Variants in NNT observed in about 807,000 individuals in gnomAD.
The protein encoded by NNT is NAD(P) transhydrogenase, mitochondrial.
A neutral mutation model predicts 104.8 loss-of-function variants in NNT; 50 were observed. That is an observed-to-expected ratio of 0.48 (90% CI 0.38 to 0.60). NNT has a LOEUF of 0.60. NNT is among the 20% of genes least tolerant of loss of function. The pLI is 0.00. For synonymous variants in NNT, 461 were observed against 490.4 expected, an observed-to-expected ratio of 0.94 and a Z score of 0.79; for missense variants, 1,131 against 1,330.7, an observed-to-expected ratio of 0.85 and a Z score of 2.33.
intron 16 of NNT, among the ~76,000 whole-genome samples, chr5:43,657,096 G>A (rs1561296610): frequency 6.6e-6 from 1 of 152,156 alleles, no homozygotes; most frequent in African/African-American, 2.4e-5. Flanking sequence ...GTGAACAGGA[G>A]CTTAAAAAGG....
intron 18 of NNT, among the ~76,000 whole-genome samples, chr5:43,676,032 G>A (rs1050903457): frequency 6.6e-6 from 1 of 152,138 alleles, no homozygotes; most frequent in African/African-American, 2.4e-5. Context: ...ACTCATTAGA[G>A]TTGCTTAATA....
chr5:43,682,684 A>G (rs1442987182), intron 19 of NNT, among the ~76,000 whole-genome samples: 1 of 152,240 alleles, frequency 6.6e-6, no homozygotes, highest in Non-Finnish European at 1.5e-5. Context: ...TATCTTGTAT[A>G]GTATTTGAGT....
Position 43,615,869 on chromosome 5 carries a change from C to G in NNT, c.403C>G (p.Pro135Ala). The change falls in exon 4 of 22, where the codon CCA becomes GCA. Residue 135 changes from proline to alanine, a missense_variant. Coordinates refer to ENST00000344920, the MANE Select transcript of NNT (RefSeq NM_182977.3). Reference protein sequence around the residue: ...VVKVRAPMVNPTLGVHEADLL... With the variant: ...VVKVRAPMVNATLGVHEADLL... ...CCAGGTGCGAGCCCCTATGGTTAAT[C>G]CAACATTAGGTGTTCATGAAGCTGA... 1 of 1,613,734 alleles carries G rather than the reference C, an allele frequency of 6.2e-7. No homozygotes were observed. The highest frequency in any genetic ancestry group is 8.5e-7 in the Non-Finnish European group (1 of 1,179,820).
At chr5:43,679,914 A>C (rs1020686168) in intron 19 of NNT, among the ~76,000 whole-genome samples, 6 of 151,832 alleles carry the variant, frequency 4.0e-5, no homozygotes, top group African/African-American at 1.4e-4. Flanking sequence ...GGATCAGAAT[A>C]AGATTATTAA....
chr5:43,704,367 C>A lies in NNT; in HGVS notation c.3224C>A (p.Ala1075Glu). 6.2e-7 allele frequency: 1 copy of A among 1,613,618 alleles called. No homozygotes were observed. The highest frequency in any genetic ancestry group is 8.5e-7 in the Non-Finnish European group (1 of 1,179,722). ...LLGDAKKTCD[A>E]LQAKVRESYQ... ...GGTGATGCCAAGAAAACATGTGACG[C>A]GCTCCAGGCGAAAGTTAGAGAATCC... is the stretch of plus-strand genomic sequence containing the variant. Residue 1075 changes from alanine to glutamate, a missense_variant, in exon 22 of 22, where the codon GCG (alanine) becomes GAG (glutamate). Ala to Glu is a moderately radical substitution (Grantham distance 107, BLOSUM62 -1). Transcript: ENST00000344920.
intron 2 of NNT, 82 bp from the exon 3 acceptor site, chr5:43,612,826 A>G: frequency 1.0e-6 from 1 of 999,054 alleles, no homozygotes; most frequent in South Asian, 1.5e-5. Context: ...TGCTCCTTTC[A>G]ATTTTCTGAA....
At chr5:43,681,900 T>TGATA (rs1741739169) in intron 19 of NNT, among the ~76,000 whole-genome samples, 1 of 152,180 alleles carries the variant, frequency 6.6e-6, no homozygotes, top group South Asian at 2.1e-4. Context: ...CCATTTAATG[T>TGATA]GATAGTATGC....
chr5:43,645,238 A>T (rs1739320209), intron 9 of NNT, 119 bp from the exon 10 acceptor site: 1 of 483,258 alleles, frequency 2.1e-6, no homozygotes, highest in Non-Finnish European at 3.3e-6. Flanking sequence ...ATATGAATTT[A>T]TATATTTACA....
chr5:43,638,131 TTTCTGC>T (rs1751037625), intron 7 of NNT, among the ~76,000 whole-genome samples: 1 of 152,196 alleles, frequency 6.6e-6, no homozygotes, highest in African/African-American at 2.4e-5. Flanking sequence ...CACTCATTTC[TTTCTGC>T]TTCTGCCATG....
chr5:43,608,122 G>C (rs904126562), intron 1 of NNT, among the ~76,000 whole-genome samples: 1 of 152,014 alleles, frequency 6.6e-6, no homozygotes, highest in African/African-American at 2.4e-5. Context: ...GTAGAAACGG[G>C]GTTTCACCAT....
intron 19 of NNT, among the ~76,000 whole-genome samples, chr5:43,682,533 A>G (rs1444042301): frequency 6.6e-6 from 1 of 152,102 alleles, no homozygotes; most frequent in Non-Finnish European, 1.5e-5. Context: ...TTTTTCATGG[A>G]TAAGTATGAT....
chr5:43,698,524 G>C (rs1742680761), intron 19 of NNT, among the ~76,000 whole-genome samples: 2 of 151,862 alleles, frequency 1.3e-5, no homozygotes, highest in African/African-American at 4.8e-5. Context: ...TATCTTATTT[G>C]ATTTTATTAA....
At chr5:43,610,325 G>T (rs1214421970) in intron 2 of NNT, among the ~76,000 whole-genome samples, 3 of 151,226 alleles carry the variant, frequency 2.0e-5, no homozygotes, top group Admixed American at 1.3e-4. Context: ...TCTTTCATCA[G>T]TCTTGCCCAA....
chr5:43,655,973 G>A lies in NNT; in HGVS notation c.2193G>A (p.Thr731=), dbSNP rs1740023559. The A allele has an allele frequency of 6.2e-7, 1 of 1,614,090 alleles. No individual in the cohort carries two copies. Among genetic ancestry groups the A allele is most frequent in the Non-Finnish European group, 8.5e-7 (1 of 1,179,994 alleles). ...TTATAGAATATCCACATTTTGCTAC[G>A]GATGCAGCAGCAAATCTCACCAAGA... is the stretch of plus-strand genomic sequence containing the variant. ...EYIIEYPHFA[T]DAAANLTKIV... Residue 731 remains threonine (T), a synonymous_variant, in exon 15 of 22, where the codon ACG becomes ACA. Transcript: ENST00000344920.
chr5:43,661,239 G>A (rs1740339738), intron 17 of NNT, among the ~76,000 whole-genome samples: 1 of 152,074 alleles, frequency 6.6e-6, no homozygotes, highest in African/African-American at 2.4e-5. Flanking sequence ...AAGAAGAAAT[G>A]TTTATGAAAT....
chr5:43,659,629 T>C (rs895303049), intron 17 of NNT, among the ~76,000 whole-genome samples: 2 of 152,052 alleles, frequency 1.3e-5, no homozygotes, highest in Non-Finnish European at 2.9e-5. Context: ...CTTGGTAGGC[T>C]GAGGCAGAGA....
At chr5:43,701,408 C>T (rs528961095) in intron 20 of NNT, among the ~76,000 whole-genome samples, 10 of 152,198 alleles carry the variant, frequency 6.6e-5, no homozygotes, top group Non-Finnish European at 1.2e-4. Flanking sequence ...GGAAAGGACA[C>T]GATTTCCATC....
chr5:43,674,870 G>A (rs1741329557), intron 17 of NNT, among the ~76,000 whole-genome samples: 1 of 152,132 alleles, frequency 6.6e-6, no homozygotes, highest in African/African-American at 2.4e-5. Flanking sequence ...AAAAGAGTGA[G>A]TATAAATTTT....
chr5:43,659,292 C>T lies in NNT; in HGVS notation c.2576C>T (p.Thr859Ile), dbSNP rs767261072. The T allele has an allele frequency of 8.1e-6, 13 of 1,613,866 alleles. No homozygotes were observed. The highest frequency in any genetic ancestry group is 6.7e-5 in the Admixed American group (4 of 59,992). ...EGFLLNNNLLTIVGALIGSSG... is the reference protein window; with the variant it reads ...EGFLLNNNLLIIVGALIGSSG... Reference sequence around the variant, plus strand: ...TTCCTGCTCAACAACAATCTGCTGACCATCGTGGGTGCACTCATAGGCTCG... The same window carrying T: ...TTCCTGCTCAACAACAATCTGCTGATCATCGTGGGTGCACTCATAGGCTCG... Residue 859 changes from threonine (T) to isoleucine (I), a missense_variant, in exon 17 of 22, where the codon ACC (threonine) becomes ATC (isoleucine). Physicochemically the swap from Thr to Ile is moderately conservative, Grantham distance 89 (BLOSUM62 -1). Transcript: ENST00000344920.
Sources: allele counts gnomAD v4.1 joint callset (sites outside exome capture counted in the v4.1 genomes callset), GRCh38; gene constraint gnomAD v4.1.1; transcripts MANE v1.5; gene names NCBI Gene and HGNC (gene_info 2026-07-23, HGNC 2026-07-21).